The following SLC39A9 variants were observed in gnomAD, a reference collection of about 807,000 sequenced individuals.
The protein encoded by SLC39A9 is solute carrier family 39 member 9.
SLC39A9 carries 14 observed loss-of-function variants against 28.4 expected under a neutral mutation model. That is an observed-to-expected ratio of 0.49 (90% CI 0.33 to 0.77). The LOEUF (loss-of-function observed/expected upper bound fraction) is 0.77, where lower values mean the gene tolerates loss of function less well. SLC39A9 is among the 30% of genes least tolerant of loss of function. The pLI is 0.02. For synonymous variants in SLC39A9, 119 were observed against 149.6 expected, an observed-to-expected ratio of 0.80 and a Z score of 1.49; for missense variants, 283 against 381.1, an observed-to-expected ratio of 0.74 and a Z score of 2.14.
intron 3 of SLC39A9, among the ~76,000 whole-genome samples, chr14:69,451,379 A>G (rs1885603371): frequency 1.3e-5 from 2 of 152,150 alleles, no homozygotes; most frequent in South Asian, 2.1e-4. Flanking sequence ...TGATGTCCCC[A>G]TCTTTTAACT....
At chr14:69,411,126 C>T (rs1039926920) in intron 1 of SLC39A9, among the ~76,000 whole-genome samples, 3 of 149,806 alleles carry the variant, frequency 2.0e-5, no homozygotes, top group South Asian at 2.1e-4. Context: ...GCAGGAGAAT[C>T]GCTTGAACCT....
At position 69,461,473 on chromosome 14, in the gene SLC39A9, A is replaced by G. The variant is rs1042222713; in HGVS notation, c.*2880A>G. 2.1e-6 allele frequency: 3 copies of G among 1,411,076 alleles called. No homozygotes were observed. The highest frequency in any genetic ancestry group is 2.8e-6 in the Non-Finnish European group (3 of 1,084,584). 87.4% of individuals were successfully genotyped at this position (1,411,076 alleles called of 1,614,324 possible). Reference sequence around the variant, plus strand: ...TAGACAGTTGGAAACAGTACTACCTACCTAGAGGTTATGTGTTTTCTCTTT... The same window carrying G: ...TAGACAGTTGGAAACAGTACTACCTGCCTAGAGGTTATGTGTTTTCTCTTT... On this transcript the variant is annotated 3_prime_UTR_variant, in exon 7 of 7. Coordinates refer to ENST00000336643, the MANE Select transcript of SLC39A9 (RefSeq NM_018375.5).
chr14:69,426,054 A>T (rs1884171642), intron 2 of SLC39A9, among the ~76,000 whole-genome samples: 1 of 152,174 alleles, frequency 6.6e-6, no homozygotes, highest in Admixed American at 6.5e-5. Context: ...CTGTGCTCTC[A>T]CACCACAACA....
In SLC39A9 at chr14:69,461,004, G is replaced by A. The variant is rs942093371; in HGVS notation, c.*2411G>A. 22 of 985,384 alleles carry A rather than the reference G, an allele frequency of 2.2e-5. No homozygotes were observed. The highest frequency in any genetic ancestry group is 1.0e-3 in the Middle Eastern group (2 of 1,914). The allele number at this position is 985,384 out of a possible 1,614,324, so 61.0% of individuals were successfully genotyped here. Reference sequence around the variant, plus strand: ...CAGTATTCCAGGAGAGGCCATGTCCGTGTTCACTTCTTGGCACATTTCAGT... The same window carrying A: ...CAGTATTCCAGGAGAGGCCATGTCCATGTTCACTTCTTGGCACATTTCAGT... On this transcript the variant is annotated 3_prime_UTR_variant, in exon 7 of 7. Coordinates refer to ENST00000336643, the MANE Select transcript of SLC39A9 (RefSeq NM_018375.5).
chr14:69,411,542 G>A (rs1883264427), intron 1 of SLC39A9, among the ~76,000 whole-genome samples: 2 of 152,090 alleles, frequency 1.3e-5, no homozygotes, highest in African/African-American at 4.8e-5. Context: ...TGTTGGTTTG[G>A]GAACTGTCTT....
In SLC39A9 at chr14:69,461,518, TC is replaced by T; in HGVS notation, c.*2926del. Reference sequence around the variant, plus strand: ...CTCTTTCTCCCCGCTTTCACCTCTTTCTTTCCCAATTCAAAACAGCCAAGTG... The same window carrying T: ...CTCTTTCTCCCCGCTTTCACCTCTTTTTTCCCAATTCAAAACAGCCAAGTG... On this transcript the variant is annotated 3_prime_UTR_variant, in exon 7 of 7. Transcript: ENST00000336643. 6.9e-7 allele frequency: 1 copy of T among 1,442,562 alleles called. No individual in the cohort carries two copies. Among genetic ancestry groups the T allele is most frequent in the Non-Finnish European group, 9.1e-7 (1 of 1,102,358 alleles). The allele number at this position is 1,442,562 out of a possible 1,614,324, so 89.4% of individuals were successfully genotyped here.
chr14:69,454,789 T>C, intron 4 of SLC39A9, 23 bp from the exon 5 acceptor site: 2 of 1,597,402 alleles, frequency 1.3e-6, no homozygotes, highest in Non-Finnish European at 1.7e-6. Context: ...TAGTATTTTA[T>C]GTTTCCTTGT....
chr14:69,433,061 T>C (rs1884574263), intron 2 of SLC39A9, among the ~76,000 whole-genome samples: 1 of 152,220 alleles, frequency 6.6e-6, no homozygotes, highest in Non-Finnish European at 1.5e-5. Flanking sequence ...TTTTTTTAGT[T>C]CTGTAAAAAA....
intron 6 of SLC39A9, 66 bp from the exon 7 acceptor site, chr14:69,458,297 G>C: frequency 6.3e-7 from 1 of 1,575,542 alleles, no homozygotes; most frequent in East Asian, 2.2e-5. Flanking sequence ...TTTTTAACTG[G>C]GACTTCTTCC....
rs575821534 is a variant in SLC39A9, at chr14:69,456,470, T to C, written c.693+604T>C. ...AACTTAGCCATTCTTGGTCTCATTT[T>C]TCACGTTCCTCCTCTTCTCCCAGCT... On this transcript the variant is annotated intron_variant, in intron 6 of 6. Transcript: ENST00000336643. Among the ~76,000 whole-genome samples the C allele has an allele frequency of 9.2e-5, 14 of 152,342 alleles. No individual in the cohort carries two copies. In the East Asian group the frequency reaches 2.7e-3, roughly 29 times the overall value.
chr14:69,403,594 G>A (rs146132592), intron 1 of SLC39A9, among the ~76,000 whole-genome samples: 23 of 152,156 alleles, frequency 1.5e-4, no homozygotes, highest in African/African-American at 5.1e-4. Flanking sequence ...GAAAATACAA[G>A]CCCAAATGTA....
chr14:69,427,674 C>A (rs1014038009), intron 2 of SLC39A9, among the ~76,000 whole-genome samples: 1 of 152,188 alleles, frequency 6.6e-6, no homozygotes, highest in African/African-American at 2.4e-5. Context: ...TAAATGGAAT[C>A]ATGTAACCTT....
chr14:69,437,084 G>T (rs1259753697), intron 2 of SLC39A9, among the ~76,000 whole-genome samples: 6 of 152,154 alleles, frequency 3.9e-5, no homozygotes, highest in African/African-American at 9.6e-5. Flanking sequence ...AGCCAGGATG[G>T]TCTTGATCTT....
Position 69,442,221 on chromosome 14 carries a change from T to G in SLC39A9, c.358T>G (p.Leu120Val), listed in dbSNP as rs1214196031. The stretch of plus-strand genomic sequence containing the variant: ...CCTCGTTCTGGGCTTCGTTTTCATG[T>G]TGCTGGTGGACCAGATTGGTAACTC... ...VSLVLGFVFM[L>V]LVDQIGNSHV... Residue 120 changes from leucine to valine, a missense_variant, in exon 3 of 7, where the codon TTG becomes GTG. Leu to Val is a conservative substitution (Grantham distance 32). Coordinates refer to ENST00000336643, the MANE Select transcript of SLC39A9 (RefSeq NM_018375.5). 11 of 1,614,212 alleles carry G rather than the reference T, an allele frequency of 6.8e-6. No individual in the cohort carries two copies. The highest frequency in any genetic ancestry group is 3.3e-4 in the Middle Eastern group (2 of 6,062).
chr14:69,454,663 C>T (rs1400687740), intron 4 of SLC39A9, 149 bp from the exon 5 acceptor site: 3 of 557,152 alleles, frequency 5.4e-6, no homozygotes, highest in Non-Finnish European at 6.4e-6. Context: ...TCATTGAACA[C>T]ATTTTAAAGA....
chr14:69,413,088 G>A (rs367648108), intron 1 of SLC39A9, among the ~76,000 whole-genome samples: 1 of 152,172 alleles, frequency 6.6e-6, no homozygotes, highest in African/African-American at 2.4e-5. Flanking sequence ...CAGGCGCAGT[G>A]GCTCACGCCT....
intron 1 of SLC39A9, among the ~76,000 whole-genome samples, chr14:69,420,831 T>A (rs186516316): frequency 4.8e-4 from 73 of 152,352 alleles, no homozygotes; most frequent in Non-Finnish European, 2.1e-4. Context: ...ATGCCATGGT[T>A]TTCAGCTACA....
intron 1 of SLC39A9, among the ~76,000 whole-genome samples, chr14:69,406,313 C>G (rs1882909415): frequency 6.6e-6 from 1 of 152,088 alleles, no homozygotes; most frequent in Non-Finnish European, 1.5e-5. Context: ...TGAAGTAGTT[C>G]CTATTGTGAA....
chr14:69,455,789 C>A lies in SLC39A9; in HGVS notation c.616C>A (p.Arg206=). ...GATGCATGCTGGCTTAGAGCGGAAT[C>A]GAATCAGAAAGCACTTGCTGGTCTT... The part of the protein sequence containing the change: ...FLMHAGLERN[R]IRKHLLVFAL... Residue 206 remains arginine (R), a synonymous_variant, in exon 6 of 7, where the codon CGA becomes AGA. Coordinates refer to ENST00000336643, the MANE Select transcript of SLC39A9 (RefSeq NM_018375.5). 6.2e-7 allele frequency: 1 copy of A among 1,614,172 alleles called. No individual in the cohort carries two copies. The highest frequency in any genetic ancestry group is 1.1e-5 in the South Asian group (1 of 91,080).
Sources: allele counts gnomAD v4.1 joint callset (sites outside exome capture counted in the v4.1 genomes callset), GRCh38; gene constraint gnomAD v4.1.1; transcripts MANE v1.5; gene names NCBI Gene and HGNC (gene_info 2026-07-23, HGNC 2026-07-21).